CD274: variants seen among roughly 807,000 people sequenced by gnomAD.
CD274 encodes programmed cell death 1 ligand 1.
Under a neutral mutation model 30.1 loss-of-function variants are expected in CD274, and 8 were observed. That is an observed-to-expected ratio of 0.27 (90% CI 0.16 to 0.48). The LOEUF (loss-of-function observed/expected upper bound fraction) is 0.48. Among genes scored for constraint, CD274 ranks in the 20% least tolerant of loss-of-function variants. The probability of loss-of-function intolerance (pLI) is 0.99; values close to 1 mark genes in which losing one functional copy is unlikely to be tolerated. For missense variants in CD274, 353 were observed against 346.6 expected, an observed-to-expected ratio of 1.02 and a Z score of -0.15; for synonymous variants, 152 against 124.6, an observed-to-expected ratio of 1.22 and a Z score of -1.46.
chr9:5,466,487 G>A (rs541968886), intron 5 of CD274, among the ~76,000 whole-genome samples: 61 of 152,182 alleles, frequency 4.0e-4, no homozygotes, highest in Non-Finnish European at 7.6e-4. Context: ...CAGTAGAAAT[G>A]GATAGAAATC....
Position 5,470,320 on chromosome 9 carries a change from T to G in CD274, c.*2458T>G. ...GCACATAGTCTACTCAGTCTATTCCTAAGTCCTAACTCCTCCTTGTGGTGT... is the reference window on the plus strand; with the variant it reads ...GCACATAGTCTACTCAGTCTATTCCGAAGTCCTAACTCCTCCTTGTGGTGT... On this transcript the variant is annotated 3_prime_UTR_variant, in exon 7 of 7. Coordinates refer to ENST00000381577, the MANE Select transcript of CD274 (RefSeq NM_014143.4). 8.6e-6 allele frequency: 2 copies of G among 232,514 alleles called. No individual in the cohort carries two copies. Among genetic ancestry groups the G allele is most frequent in the Non-Finnish European group, 1.7e-5 (2 of 117,590 alleles). The allele number at this position is 232,514 out of a possible 1,614,324, so 14.4% of individuals were successfully genotyped here. A position where few individuals can be genotyped will look rare whatever the true frequency, so the allele number is the denominator to read the frequency against.
At chr9:5,454,619 A>G (rs1227945822) in intron 1 of CD274, among the ~76,000 whole-genome samples, 1 of 125,028 alleles carries the variant, frequency 8.0e-6, no homozygotes. Flanking sequence ...CTTCCTTTAC[A>G]TATACAGACA....
At chr9:5,466,066 T>C (rs1461000289) in intron 5 of CD274, among the ~76,000 whole-genome samples, 1 of 152,206 alleles carries the variant, frequency 6.6e-6, no homozygotes, top group African/African-American at 2.4e-5. Context: ...ATTTCTCCAT[T>C]TACCTGTGGG....
chr9:5,467,553 C>G (rs998261488), intron 6 of CD274, among the ~76,000 whole-genome samples: 2 of 152,104 alleles, frequency 1.3e-5, no homozygotes, highest in Non-Finnish European at 2.9e-5. Flanking sequence ...CAAGCTCAGG[C>G]AAGTTTCATT....
chr9:5,467,871 T>C lies in CD274; in HGVS notation c.*9T>C. The C allele has an allele frequency of 3.1e-6, 5 of 1,607,270 alleles. No homozygotes were observed. The highest frequency in any genetic ancestry group is 4.3e-6 in the Non-Finnish European group (5 of 1,173,786). ...ATTTGGAGGAGACGTAATCCAGCAT[T>C]GGAACTTCTGATCTTCAAGCAGGGA... On this transcript the variant is annotated 3_prime_UTR_variant, in exon 7 of 7. Coordinates refer to ENST00000381577, the MANE Select transcript of CD274 (RefSeq NM_014143.4).
chr9:5,457,385 G>C lies in CD274; in HGVS notation c.359G>C (p.Gly120Ala), dbSNP rs2131212826. Reference protein sequence around the residue: ...GVYRCMISYGGADYKRITVKV... With the variant: ...GVYRCMISYGAADYKRITVKV... Reference sequence around the variant, plus strand: ...TACCGCTGCATGATCAGCTATGGTGGTGCCGACTACAAGCGAATTACTGTG... The same window carrying C: ...TACCGCTGCATGATCAGCTATGGTGCTGCCGACTACAAGCGAATTACTGTG... The change falls in exon 3 of 7, where the codon GGT (glycine) becomes GCT (alanine). Residue 120 changes from glycine to alanine, a missense_variant. Transcript: ENST00000381577. The C allele has an allele frequency of 1.2e-6, 2 of 1,613,838 alleles. No homozygotes were observed. Among genetic ancestry groups the C allele is most frequent in the Non-Finnish European group, 1.7e-6 (2 of 1,179,770 alleles).
chr9:5,468,230 C>A lies in CD274; in HGVS notation c.*368C>A. On this transcript the variant is annotated 3_prime_UTR_variant, in exon 7 of 7. Coordinates refer to ENST00000381577, the MANE Select transcript of CD274 (RefSeq NM_014143.4). ...GAGGGTCAGTTCCTGCAGAAGTGCC[C>A]TTTGCCTCCACTCAATGCCTCAATT... The A allele has an allele frequency of 3.2e-6, 1 of 307,822 alleles. No individual in the cohort carries two copies. Among genetic ancestry groups the A allele is most frequent in the Non-Finnish European group, 6.0e-6 (1 of 165,862 alleles). 19.1% of individuals were successfully genotyped at this position (307,822 alleles called of 1,614,324 possible). A position where few individuals can be genotyped will look rare whatever the true frequency, so the allele number is the denominator to read the frequency against.
chr9:5,467,011 G>A (rs1051223996), intron 6 of CD274, among the ~76,000 whole-genome samples, 182 bp downstream of exon 6: 1 of 152,128 alleles, frequency 6.6e-6, no homozygotes, highest in Non-Finnish European at 1.5e-5. Context: ...CAGGGAAGGG[G>A]AAGGAGTCAG....
rs1301016979 is a variant in CD274 at position 5,469,597 on chromosome 9, C to T, written c.*1735C>T. 1 of 231,976 alleles carries T rather than the reference C, an allele frequency of 4.3e-6. No individual in the cohort carries two copies. The highest frequency in any genetic ancestry group is 8.5e-6 in the Non-Finnish European group (1 of 117,406). The allele number at this position is 231,976 out of a possible 1,614,324, so 14.4% of individuals were successfully genotyped here. On this transcript the variant is annotated 3_prime_UTR_variant, in exon 7 of 7. Transcript: ENST00000381577. ...TAGCAGATGGAATGAATTTGAAGTT[C>T]CCAGGGCTGAGGATCCATGCCTTCT...
At chr9:5,463,655 G>A (rs551412911) in intron 4 of CD274, among the ~76,000 whole-genome samples, 159 of 152,280 alleles carry the variant, frequency 1.0e-3, no homozygotes, top group African/African-American at 3.7e-3. Context: ...TCCCAAGGTA[G>A]TCTACAATAT....
At position 5,466,786 on chromosome 9, in the gene CD274, G is replaced by A; in HGVS notation, c.807G>A (p.Val269=). ...TTTCTCAAGGGAGAATGATGGATGT[G>A]AAAAAATGTGGCATCCAAGATACAA... The part of the protein sequence containing the change: ...FRLRKGRMMD[V]KKCGIQDTNS... Residue 269 remains valine, a synonymous_variant, in exon 6 of 7, where the codon GTG becomes GTA. Transcript: ENST00000381577. 6.2e-7 allele frequency: 1 copy of A among 1,611,028 alleles called. No homozygotes were observed. The highest frequency in any genetic ancestry group is 1.1e-5 in the South Asian group (1 of 90,900).
At chr9:5,452,138 T>A (rs1021443867) in intron 1 of CD274, among the ~76,000 whole-genome samples, 2 of 149,180 alleles carry the variant, frequency 1.3e-5, no homozygotes, top group African/African-American at 4.9e-5. Context: ...TGCCTCAGCC[T>A]CCCGAGTAGC....
chr9:5,464,376 A>C (rs3780394), intron 4 of CD274, among the ~76,000 whole-genome samples: 10,341 of 152,188 alleles, frequency 0.068, 349 homozygotes, highest in South Asian at 0.098. Context: ...CTGAAATAAA[A>C]CATACGTGAA....
At chr9:5,467,231 A>G (rs1819512531) in intron 6 of CD274, among the ~76,000 whole-genome samples, 1 of 152,076 alleles carries the variant, frequency 6.6e-6, no homozygotes, top group African/African-American at 2.4e-5. Flanking sequence ...AGAGAGAAAT[A>G]CTAGAATTTA....
intron 1 of CD274, among the ~76,000 whole-genome samples, chr9:5,450,851 AGATAGGTAGTATAG>A (rs1389942634): frequency 6.6e-6 from 1 of 152,258 alleles, no homozygotes; most frequent in African/African-American, 2.4e-5. Flanking sequence ...AAAATAAATA[AGATAGGTAGTATAG>A]GATAGGTAGT....
chr9:5,468,671 C>T lies in CD274; in HGVS notation c.*809C>T. ...TTACAATTATGTGGTAGCCTACACA[C>T]ATAATCTCATTTCATCGCTGTAACC... On this transcript the variant is annotated 3_prime_UTR_variant, in exon 7 of 7. Transcript: ENST00000381577. 1 of 233,044 alleles carries T rather than the reference C, an allele frequency of 4.3e-6. No homozygotes were observed. Among genetic ancestry groups the T allele is most frequent in the East Asian group, 6.0e-5 (1 of 16,566 alleles). The allele number at this position is 233,044 out of a possible 1,614,324, so 14.4% of individuals were successfully genotyped here.
chr9:5,451,837 C>G (rs1409556938), intron 1 of CD274, among the ~76,000 whole-genome samples: 2 of 152,010 alleles, frequency 1.3e-5, no homozygotes, highest in Non-Finnish European at 2.9e-5. Flanking sequence ...TTTGATCCTA[C>G]TTAAGAATTT....
chr9:5,456,203 A>G (rs756372481), intron 2 of CD274, 38 bp downstream of exon 2: 1 of 1,363,086 alleles, frequency 7.3e-7, no homozygotes, highest in Non-Finnish European at 1.0e-6. Flanking sequence ...TCTATATTTT[A>G]AATATTTTAA....
At chr9:5,457,845 T>C (rs1364258677) in intron 3 of CD274, among the ~76,000 whole-genome samples, 1 of 152,234 alleles carries the variant, frequency 6.6e-6, no homozygotes, top group East Asian at 1.9e-4. Context: ...AATTTTTTTA[T>C]TCAACTACTA....
Sources: gnomAD v4.1 joint callset for allele counts (sites outside exome capture counted in the v4.1 genomes callset) on GRCh38, gnomAD v4.1.1 for gene constraint, MANE v1.5 for transcripts, NCBI Gene and HGNC (gene_info 2026-07-23, HGNC 2026-07-21) for gene names.